CCDC146: variants seen among roughly 807,000 people sequenced by gnomAD.
CCDC146 encodes coiled-coil domain containing 146.
CCDC146 carries 92 observed loss-of-function variants against 119.3 expected under a neutral mutation model. The observed-to-expected ratio is 0.77, with a 90% CI of 0.65 to 0.92. The LOEUF is 0.92. CCDC146 is among the 40% of genes least tolerant of loss of function. CCDC146 has a pLI of 0.00. For synonymous variants in CCDC146, 372 were observed against 371.8 expected (o/e 1.00, Z -0.01); for missense variants, 1,000 against 1,103.0 (o/e 0.91, Z 1.32).
At chr7:77,166,325 A>G (rs1209619998) in intron 1 of CCDC146, among the ~76,000 whole-genome samples, 2 of 152,188 alleles carry the variant, frequency 1.3e-5, no homozygotes, top group Non-Finnish European at 2.9e-5. Context: ...GATTTATCAG[A>G]AATTTATCTA....
chr7:77,156,229 T>C (rs1055497102), intron 1 of CCDC146, among the ~76,000 whole-genome samples: 19 of 152,252 alleles, frequency 1.2e-4, no homozygotes, highest in African/African-American at 4.6e-4. Flanking sequence ...AGATATGCAC[T>C]TGAAGCTTTC....
At chr7:77,128,284 G>T (rs1290197971) in intron 1 of CCDC146, among the ~76,000 whole-genome samples, 1 of 150,778 alleles carries the variant, frequency 6.6e-6, no homozygotes, top group Admixed American at 6.6e-5. Context: ...AATTTTTCTT[G>T]TTCCCTGTAG....
chr7:77,249,909 T>C (rs1793026924), intron 4 of CCDC146, among the ~76,000 whole-genome samples: 1 of 152,256 alleles, frequency 6.6e-6, no homozygotes, highest in Non-Finnish European at 1.5e-5. Context: ...TTTATGCCTT[T>C]TGTGGTTTTA....
rs757160331 is a variant in CCDC146 at position 77,199,186 on chromosome 7, CGTGACT to C, written c.156+31365_156+31370del. ...GAAAACATTATTATACATACCTGGA[CGTGACT>C]GTATTTGTTCTTGGCTGGGACACTT... On this transcript the variant is annotated intron_variant, in intron 2 of 18. Transcript: ENST00000285871. 4.0e-5 allele frequency: 64 copies of C among 1,612,358 alleles called. No homozygotes were observed. In the South Asian group the frequency reaches 7.0e-4, roughly 18 times the overall value.
At chr7:77,135,188 T>C (rs1048102510) in intron 1 of CCDC146, among the ~76,000 whole-genome samples, 4 of 152,114 alleles carry the variant, frequency 2.6e-5, no homozygotes, top group African/African-American at 9.7e-5. Flanking sequence ...GTGTTTTGAG[T>C]CTTTATTTAG....
intron 2 of CCDC146, among the ~76,000 whole-genome samples, chr7:77,169,520 T>C: frequency 1.3e-5 from 2 of 152,274 alleles, no homozygotes. Flanking sequence ...ATGGTGATTT[T>C]CTAATTCCAT....
At chr7:77,198,221 T>C (rs1430564731) in intron 2 of CCDC146, 2 of 985,278 alleles carry the variant, frequency 2.0e-6, no homozygotes, top group Non-Finnish European at 2.4e-6. Context: ...GACCCTTCCC[T>C]CCTTCACTGG....
chr7:77,212,172 T>C (rs1229637418), intron 2 of CCDC146, among the ~76,000 whole-genome samples: 6 of 152,152 alleles, frequency 3.9e-5, no homozygotes, highest in Non-Finnish European at 8.8e-5. Context: ...TACAAAATAA[T>C]ATTATAGTAC....
At chr7:77,234,409 G>A (rs940013110) in intron 2 of CCDC146, among the ~76,000 whole-genome samples, 11 of 152,166 alleles carry the variant, frequency 7.2e-5, no homozygotes, top group African/African-American at 2.7e-4. Context: ...GTAACATTAA[G>A]TCGACTTACC....
At chr7:77,156,749 T>TTTG (rs1398547696) in intron 1 of CCDC146, among the ~76,000 whole-genome samples, 1 of 152,154 alleles carries the variant, frequency 6.6e-6, no homozygotes, top group Non-Finnish European at 1.5e-5. Flanking sequence ...TCCATCTGAT[T>TTTG]TTGTTGTTGT....
chr7:77,254,477 T>C (rs2150506299), intron 4 of CCDC146, 29 bp from the exon 5 acceptor site: 2 of 1,279,174 alleles, frequency 1.6e-6, no homozygotes, highest in South Asian at 1.3e-5. Flanking sequence ...TCTTTGTACT[T>C]TTTCAAACTT....
chr7:77,274,612 A>G lies in CCDC146; in HGVS notation c.1400A>G (p.Asp467Gly). ...CTCCGCATGACTCAAATCAAAATTG[A>G]TGAAAAGGAACAAAAGTCCAAGGAT... ...NLLRMTQIKI[D>G]EKEQKSKDFL... Residue 467 changes from aspartate (D) to glycine (G), a missense_variant, in exon 11 of 19, where the codon GAT becomes GGT. Physicochemically the swap from Asp to Gly is moderately conservative, Grantham distance 94. Around this residue, in one of 2 missense-constraint regions of CCDC146, gnomAD observed 985 missense variants for 1,045.3 expected, o/e 0.94. Coordinates refer to ENST00000285871, the MANE Select transcript of CCDC146 (RefSeq NM_020879.3). The G allele has an allele frequency of 6.2e-7, 1 of 1,611,762 alleles. No individual in the cohort carries two copies. The highest frequency in any genetic ancestry group is 8.5e-7 in the Non-Finnish European group (1 of 1,179,392).
At chr7:77,253,608 A>C (rs2150505202) in intron 4 of CCDC146, among the ~76,000 whole-genome samples, 1 of 152,282 alleles carries the variant, frequency 6.6e-6, no homozygotes, top group South Asian at 2.1e-4. Flanking sequence ...AACTATACGC[A>C]GGTACTTTTT....
intron 2 of CCDC146, among the ~76,000 whole-genome samples, chr7:77,204,149 T>G (rs1792043735): frequency 6.6e-6 from 1 of 152,198 alleles, no homozygotes; most frequent in African/African-American, 2.4e-5. Flanking sequence ...ATTTGTAGTT[T>G]CTGATTTATT....
In CCDC146 at chr7:77,196,933, T is replaced by G. The variant is rs147689299; in HGVS notation, c.156+29109T>G. The G allele has an allele frequency of 1.2e-6, 2 of 1,613,668 alleles. No individual in the cohort carries two copies. Among genetic ancestry groups the G allele is most frequent in the Non-Finnish European group, 1.7e-6 (2 of 1,179,870 alleles). On this transcript the variant is annotated intron_variant, in intron 2 of 18. Coordinates refer to ENST00000285871, the MANE Select transcript of CCDC146 (RefSeq NM_020879.3). This position sits in a 1 kb window ranked among gnomAD's most constrained non-coding sequence, Gnocchi z 4.2. ...GTGTAACTCTGTAGGTCTCACTGCT[T>G]CTTTTGCCTATTGCGTAGTAGTCAG... is the stretch of plus-strand genomic sequence containing the variant.
At chr7:77,129,497 T>C (rs1212374673) in intron 1 of CCDC146, among the ~76,000 whole-genome samples, 1 of 152,076 alleles carries the variant, frequency 6.6e-6, no homozygotes, top group African/African-American at 2.4e-5. Context: ...AAGGTTAGAA[T>C]GAATCTTCTG....
In CCDC146 at chr7:77,293,977, G is replaced by C. The variant is rs749567615; in HGVS notation, c.2665-686G>C. The stretch of plus-strand genomic sequence containing the variant: ...GTGATTTATAATTTCCACACCACCT[G>C]GGACTGTTCCTTTCAGGGCATTCAG... On this transcript the variant is annotated intron_variant, in intron 18 of 18. Transcript: ENST00000285871. Among the ~76,000 whole-genome samples, 3 of 152,182 alleles carry C rather than the reference G, an allele frequency of 2.0e-5. No homozygotes were observed. In the South Asian group the frequency reaches 6.2e-4, roughly 32 times the overall value.
Position 77,269,734 on chromosome 7 carries a change from GAAATT to G in CCDC146, c.1174-3956_1174-3952del, listed in dbSNP as rs374691176. Among the ~76,000 whole-genome samples, 512 of 152,328 alleles carry G rather than the reference GAAATT, an allele frequency of 3.4e-3. 5 individuals are homozygous for G. The highest frequency in any genetic ancestry group is 5.5e-3 in the African/African-American group (228 of 41,582). ...GCACCCATAGAATATAAAACTAACA[GAAATT>G]AAAGTGTATTAGAATCCTTTTCCTT... is the stretch of plus-strand genomic sequence containing the variant. On this transcript the variant is annotated intron_variant, in intron 9 of 18. Coordinates refer to ENST00000285871, the MANE Select transcript of CCDC146 (RefSeq NM_020879.3).
chr7:77,231,384 A>G (rs913353081), intron 2 of CCDC146, among the ~76,000 whole-genome samples: 19 of 152,330 alleles, frequency 1.2e-4, no homozygotes, highest in African/African-American at 4.6e-4. Flanking sequence ...TAAGATCTAC[A>G]GTAAGAACAA....
Sources: gnomAD v4.1 joint callset for allele counts (sites outside exome capture counted in the v4.1 genomes callset) on GRCh38, gnomAD v4.1.1 for gene constraint, gnomAD v4.1.1 regional missense constraint, Gnocchi (gnomAD v3.1) non-coding constraint, MANE v1.5 for transcripts, NCBI Gene and HGNC (gene_info 2026-07-23, HGNC 2026-07-21) for gene names.